Variants in IMPG2 observed in about 807,000 individuals in gnomAD.
IMPG2 encodes the protein IPM 200.
IMPG2 carries 91 observed loss-of-function variants against 129.2 expected under a neutral mutation model. That is an observed-to-expected ratio of 0.70 (90% CI 0.59 to 0.84). The LOEUF is 0.84. Ranked by LOEUF, IMPG2 falls within the 40% of genes least tolerant of loss-of-function variation. The pLI, the probability that IMPG2 is intolerant of heterozygous loss-of-function variation, is 0.00. For missense variants in IMPG2, 1,430 were observed against 1,461.7 expected (o/e 0.98, Z 0.35); for synonymous variants, 510 against 517.7 (o/e 0.99, Z 0.20).
chr3:101,309,396 G>A (rs1707237512), intron 2 of IMPG2, among the ~76,000 whole-genome samples: 1 of 152,148 alleles, frequency 6.6e-6, no homozygotes, highest in Non-Finnish European at 1.5e-5. Flanking sequence ...TGGCTGGGGA[G>A]GCCTCAGGAA....
intron 2 of IMPG2, among the ~76,000 whole-genome samples, chr3:101,314,951 G>A (rs1361223299): frequency 2.0e-5 from 3 of 151,990 alleles, no homozygotes; most frequent in Non-Finnish European, 2.9e-5. Flanking sequence ...GACCTCTTTT[G>A]ATGGGTGACA....
At chr3:101,302,012 G>T (rs1707143997) in intron 3 of IMPG2, among the ~76,000 whole-genome samples, 1 of 152,070 alleles carries the variant, frequency 6.6e-6, no homozygotes, top group South Asian at 2.1e-4. Flanking sequence ...GTCATTCCTA[G>T]TCTACCTCTT....
chr3:101,228,875 T>G lies in IMPG2; in HGVS notation c.3635A>C (p.Glu1212Ala), dbSNP rs747361175. ...CAAAACTCTCATTCTCTCTTGAATT[T>G]CCTTAAACAAAAAAGAAACAATAGG... ...MYESSELSRE[E>A]IQERMRVLEL... The change falls in exon 18 of 19, where the codon GAA becomes GCA. Residue 1212 changes from glutamate to alanine, a missense_variant and splice_region_variant. By Grantham distance (107) the Glu-to-Ala change is moderately radical. Transcript: ENST00000193391. 1 of 1,612,536 alleles carries G rather than the reference T, an allele frequency of 6.2e-7. No individual in the cohort carries two copies. The highest frequency in any genetic ancestry group is 8.5e-7 in the Non-Finnish European group (1 of 1,178,632).
chr3:101,269,553 C>A lies in IMPG2; in HGVS notation c.849G>T (p.Gly283=). The change falls in exon 8 of 19, where the codon GGG becomes GGT. Residue 283 remains glycine (G), a synonymous_variant. Transcript: ENST00000193391. ...CACGAATTTCCTTGTAGCCTGGTAA[C>A]CCAGTAAATGCATTTTCAACCTGTT... ...FISEVENAFT[G]LPGYKEIRVL... 3 of 1,594,664 alleles carry A rather than the reference C, an allele frequency of 1.9e-6. No individual in the cohort carries two copies. Among genetic ancestry groups the A allele is most frequent in the Non-Finnish European group, 2.6e-6 (3 of 1,162,680 alleles).
Position 101,244,657 on chromosome 3 carries a change from T to C in IMPG2, c.1674A>G (p.Ser558=), listed in dbSNP as rs199554816. The C allele has an allele frequency of 6.2e-7, 1 of 1,613,930 alleles. No individual in the cohort carries two copies. Among genetic ancestry groups the C allele is most frequent in the Admixed American group, 1.7e-5 (1 of 59,984 alleles). ...MEDSDVSLTS[S]PYLTSSIPFG... ...AAGGTATAGAAGAGGTCAGATATGG[T>C]GAAGATGTTAAGGACACATCAGAGT... The change falls in exon 13 of 19, where the codon TCA becomes TCG. Residue 558 remains serine, a synonymous_variant. Coordinates refer to ENST00000193391, the MANE Select transcript of IMPG2 (RefSeq NM_016247.4).
At chr3:101,282,518 C>A (rs1706902920) in intron 4 of IMPG2, among the ~76,000 whole-genome samples, 1 of 152,068 alleles carries the variant, frequency 6.6e-6, no homozygotes, top group Non-Finnish European at 1.5e-5. Flanking sequence ...ATTATTTATA[C>A]CTAGTACAGG....
intron 9 of IMPG2, among the ~76,000 whole-genome samples, chr3:101,267,114 AC>A (rs1706728465): frequency 6.6e-6 from 1 of 152,220 alleles, no homozygotes; most frequent in African/African-American, 2.4e-5. Context: ...AATCCAGCCT[AC>A]TACCCAAGAG....
At chr3:101,285,189 G>A (rs1476444027) in intron 4 of IMPG2, among the ~76,000 whole-genome samples, 1 of 152,206 alleles carries the variant, frequency 6.6e-6, no homozygotes, top group Admixed American at 6.5e-5. Context: ...TAGGGTTGGA[G>A]ATATGTCATC....
At chr3:101,269,367 C>T (rs565183569) in intron 8 of IMPG2, 148 bp downstream of exon 8, 1 of 598,270 alleles carries the variant, frequency 1.7e-6, no homozygotes, top group East Asian at 2.9e-5. Context: ...GAAAAACTAA[C>T]ATCAAGAATA....
At position 101,244,159 on chromosome 3, in the gene IMPG2, C is replaced by T. The variant is rs1706444972; in HGVS notation, c.2172G>A (p.Leu724=). 6.2e-7 allele frequency: 1 copy of T among 1,614,080 alleles called. No individual in the cohort carries two copies. Residue 724 remains leucine (L), a synonymous_variant, in exon 13 of 19, where the codon CTG becomes CTA. Transcript: ENST00000193391. ...DYSVTKAPLI[L]TSVAISASTD... ...TAGAGGCAGAGATTGCTACAGATGT[C>T]AGTATAAGAGGTGCTTTGGTAACTG...
intron 3 of IMPG2, 46 bp downstream of exon 3, chr3:101,304,100 G>C (rs1576770233): frequency 1.3e-6 from 2 of 1,598,286 alleles, no homozygotes; most frequent in East Asian, 4.5e-5. Flanking sequence ...CTGTGTAAAT[G>C]CTCCTACAAT....
chr3:101,299,812 C>T (rs1009942450), intron 3 of IMPG2, among the ~76,000 whole-genome samples: 5 of 152,160 alleles, frequency 3.3e-5, no homozygotes, highest in Non-Finnish European at 7.3e-5. Flanking sequence ...GGGGCACCAA[C>T]CTGATGCCAG....
chr3:101,234,266 A>G (rs1442255000), intron 14 of IMPG2, among the ~76,000 whole-genome samples: 1 of 151,442 alleles, frequency 6.6e-6, no homozygotes, highest in Non-Finnish European at 1.5e-5. Flanking sequence ...AAACAAGGCT[A>G]TCTGGAGACA....
intron 16 of IMPG2, 130 bp from the exon 17 acceptor site, chr3:101,229,720 T>G (rs1309422164): frequency 8.7e-6 from 7 of 806,174 alleles, no homozygotes; most frequent in Non-Finnish European, 1.4e-5. Flanking sequence ...GACATAACTG[T>G]GAAAAACATC....
At chr3:101,263,857 C>CAAA (rs769631265) in intron 9 of IMPG2, among the ~76,000 whole-genome samples, 1 of 64,430 alleles carries the variant, frequency 1.6e-5, no homozygotes, top group African/African-American at 6.0e-5. Flanking sequence ...TCTACAGATT[C>CAAA]AAAAAAAAAA....
At chr3:101,301,745 A>G (rs1471843957) in intron 3 of IMPG2, among the ~76,000 whole-genome samples, 2 of 152,114 alleles carry the variant, frequency 1.3e-5, no homozygotes, top group Non-Finnish European at 2.9e-5. Context: ...TCCTTTGTCT[A>G]TCTCATGGTC....
chr3:101,254,218 T>C (rs1706575159), intron 10 of IMPG2, among the ~76,000 whole-genome samples: 2 of 152,116 alleles, frequency 1.3e-5, no homozygotes, highest in South Asian at 4.1e-4. Context: ...CTTTGAAAAC[T>C]GAGCTAGGAC....
rs1229488379 is a variant in IMPG2, at chr3:101,257,530, A to G, written c.1152T>C (p.Asn384=). 1 of 1,613,140 alleles carries G rather than the reference A, an allele frequency of 6.2e-7. No individual in the cohort carries two copies. The highest frequency in any genetic ancestry group is 8.5e-7 in the Non-Finnish European group (1 of 1,179,424). The change falls in exon 10 of 19, where the codon AAT becomes AAC. Residue 384 remains asparagine (N), a splice_region_variant and synonymous_variant. Coordinates refer to ENST00000193391, the MANE Select transcript of IMPG2 (RefSeq NM_016247.4). The part of the protein sequence containing the change: ...NPDPDSLQLI[N]VRGVLRHQTE... The stretch of plus-strand genomic sequence containing the variant: ...CTTCATGATGGATATCAAACTCACC[A>G]TTGATAAGCTGCAGGGAATCAGGAT...
intron 4 of IMPG2, among the ~76,000 whole-genome samples, chr3:101,277,173 T>C (rs1706848087): frequency 6.6e-6 from 1 of 152,194 alleles, no homozygotes; most frequent in Non-Finnish European, 1.5e-5. Flanking sequence ...TGCATGTGGT[T>C]AATGGCCATC....
Sources: gnomAD v4.1 joint callset for allele counts (sites outside exome capture counted in the v4.1 genomes callset) on GRCh38, gnomAD v4.1.1 for gene constraint, MANE v1.5 for transcripts, NCBI Gene and HGNC (gene_info 2026-07-23, HGNC 2026-07-21) for gene names.